DRAXIN: variants seen among roughly 807,000 people sequenced by gnomAD.
The protein encoded by DRAXIN is dorsal repulsive axon guidance protein.
DRAXIN carries 27 observed loss-of-function variants against 33.9 expected under a neutral mutation model. The ratio of observed to expected loss-of-function variants is 0.80; its 90% confidence interval spans 0.59 to 1.10. The LOEUF is 1.10. Ranked by LOEUF, DRAXIN falls within the 50% of genes least tolerant of loss-of-function variation. The pLI, the probability that DRAXIN is intolerant of heterozygous loss-of-function variation, is 0.00. For synonymous variants in DRAXIN, 178 were observed against 194.0 expected (o/e 0.92, Z 0.69); for missense variants, 371 against 460.8 (o/e 0.81, Z 1.78).
At chr1:11,702,003 G>C (rs750226834) in intron 1 of DRAXIN, among the ~76,000 whole-genome samples, 1 of 152,134 alleles carries the variant, frequency 6.6e-6, no homozygotes, top group Admixed American at 6.5e-5. Context: ...CCCTCCTCCA[G>C]CTGACACACA....
Position 11,706,137 on chromosome 1 carries a change from G to C in DRAXIN, c.-10-112G>C, listed in dbSNP as rs1449404507. 1.9e-6 allele frequency: 2 copies of C among 1,051,450 alleles called. No individual in the cohort carries two copies. The highest frequency in any genetic ancestry group is 3.2e-5 in the African/African-American group (2 of 62,096). 65.1% of individuals were successfully genotyped at this position (1,051,450 alleles called of 1,614,324 possible). ...TTCGGGCATTGCCAAATGTCACTGG[G>C]AGCAAAATGTCCCTCTATGGCTGTT... On this transcript the variant is annotated intron_variant, in intron 1 of 6. Transcript: ENST00000294485. This position sits in a 1 kb window ranked among gnomAD's most constrained non-coding sequence, Gnocchi z 5.5.
Position 11,722,702 on chromosome 1 carries a change from C to T in DRAXIN, c.*3006C>T, listed in dbSNP as rs905128426. On this transcript the variant is annotated 3_prime_UTR_variant, in exon 7 of 7. Transcript: ENST00000294485. ...ATCTCCACCAGCTACTCAGCTCTGC[C>T]GTAGCTCGAAGCAGCCACAGAGAGT... The T allele has an allele frequency of 4.5e-5, 7 of 154,230 alleles. No individual in the cohort carries two copies. The highest frequency in any genetic ancestry group is 8.8e-5 in the Non-Finnish European group (6 of 68,174). 9.6% of individuals were successfully genotyped at this position (154,230 alleles called of 1,614,324 possible).
In DRAXIN at chr1:11,709,269, T is replaced by A; in HGVS notation, c.452-6T>A. On this transcript the variant is annotated splice_region_variant and splice_polypyrimidine_tract_variant and intron_variant, in intron 2 of 6. Coordinates refer to ENST00000294485, the MANE Select transcript of DRAXIN (RefSeq NM_198545.4). ...TAGCCCCCGTGCTCCCCACCCTGTG[T>A]CTCAGGCCGAGCCTTGGTCCGAGGT... is the stretch of plus-strand genomic sequence containing the variant. 1 of 1,608,132 alleles carries A rather than the reference T, an allele frequency of 6.2e-7. No individual in the cohort carries two copies. The highest frequency in any genetic ancestry group is 8.5e-7 in the Non-Finnish European group (1 of 1,176,718).
At chr1:11,710,535 G>A (rs911112980) in intron 3 of DRAXIN, among the ~76,000 whole-genome samples, 2 of 151,526 alleles carry the variant, frequency 1.3e-5, no homozygotes, top group African/African-American at 4.9e-5. Flanking sequence ...AGCGGCAAAT[G>A]TGGCAAAAAC....
At chr1:11,687,314 A>T (rs893344286), upstream of DRAXIN, among the ~76,000 whole-genome samples, 2 of 152,182 alleles carry the variant, frequency 1.3e-5, no homozygotes, top group Non-Finnish European at 2.9e-5. The surrounding 1 kb of genome is among the most constrained non-coding windows in gnomAD (Gnocchi z 4.1). Context: ...ATCTCGGCTC[A>T]ATGAAATCTC....
chr1:11,706,529 C>A lies in DRAXIN; in HGVS notation c.271C>A (p.Pro91Thr). ...VTATRQASRL[P>T]EAEGLLPEQS... Reference sequence around the variant, plus strand: ...CGCCACCAGGCAGGCCTCCAGGCTGCCAGAGGCTGAGGGGCTGCTGCCTGA... The same window carrying A: ...CGCCACCAGGCAGGCCTCCAGGCTGACAGAGGCTGAGGGGCTGCTGCCTGA... The change falls in exon 2 of 7, where the codon CCA becomes ACA. Residue 91 changes from proline to threonine, a missense_variant. By Grantham distance (38) the Pro-to-Thr change is conservative (BLOSUM62 -1). Coordinates refer to ENST00000294485, the MANE Select transcript of DRAXIN (RefSeq NM_198545.4). This position sits in a 1 kb window ranked among gnomAD's most constrained non-coding sequence, Gnocchi z 5.5. 6.2e-7 allele frequency: 1 copy of A among 1,611,748 alleles called. No homozygotes were observed. Among genetic ancestry groups the A allele is most frequent in the Non-Finnish European group, 8.5e-7 (1 of 1,179,288 alleles).
chr1:11,704,375 A>G lies in DRAXIN; in HGVS notation c.-10-1874A>G, dbSNP rs1010935348. Reference sequence around the variant, plus strand: ...GTGGTCAGGCTAAATGCCAGCCCAGAGAGCAGCCCCGCTCCACTGGCCCCG... The same window carrying G: ...GTGGTCAGGCTAAATGCCAGCCCAGGGAGCAGCCCCGCTCCACTGGCCCCG... On this transcript the variant is annotated intron_variant, in intron 1 of 6. Coordinates refer to ENST00000294485, the MANE Select transcript of DRAXIN (RefSeq NM_198545.4). This position sits in a 1 kb window ranked among gnomAD's most constrained non-coding sequence, Gnocchi z 4.6. Among the ~76,000 whole-genome samples the G allele has an allele frequency of 3.3e-5, 5 of 152,046 alleles. No individual in the cohort carries two copies. Among genetic ancestry groups the G allele is most frequent in the African/African-American group, 9.7e-5 (4 of 41,392 alleles).
Position 11,719,772 on chromosome 1 carries a change from G to C in DRAXIN, c.*76G>C. On this transcript the variant is annotated 3_prime_UTR_variant, in exon 7 of 7. Transcript: ENST00000294485. Reference sequence around the variant, plus strand: ...GATTTGTTTGTAACTAGCAGTGGGAGATCAAGTTGGGGAACAGATGGCTGA... The same window carrying C: ...GATTTGTTTGTAACTAGCAGTGGGACATCAAGTTGGGGAACAGATGGCTGA... The C allele has an allele frequency of 7.7e-7, 1 of 1,295,468 alleles. No individual in the cohort carries two copies. Among genetic ancestry groups the C allele is most frequent in the Non-Finnish European group, 1.1e-6 (1 of 910,278 alleles). 80.2% of individuals were successfully genotyped at this position (1,295,468 alleles called of 1,614,324 possible). A position where few individuals can be genotyped will look rare whatever the true frequency, so the allele number is the denominator to read the frequency against.
upstream of DRAXIN, among the ~76,000 whole-genome samples, chr1:11,690,989 C>T (rs1431265359): frequency 6.6e-6 from 1 of 152,112 alleles, no homozygotes; most frequent in Non-Finnish European, 1.5e-5. This position sits in a 1 kb window ranked among gnomAD's most constrained non-coding sequence, Gnocchi z 4.2. Context: ...TCTCCCTTCC[C>T]TACCGGGAAA....
At position 11,692,341 on chromosome 1, in the gene DRAXIN, G is replaced by A. The variant is rs1641088008; in HGVS notation, c.-11+488G>A. Among the ~76,000 whole-genome samples, 3 of 152,122 alleles carry A rather than the reference G, an allele frequency of 2.0e-5. No individual in the cohort carries two copies. Among genetic ancestry groups the A allele is most frequent in the South Asian group, 2.1e-4 (1 of 4,834 alleles). On this transcript the variant is annotated intron_variant, in intron 1 of 6. Coordinates refer to ENST00000294485, the MANE Select transcript of DRAXIN (RefSeq NM_198545.4). This position sits in a 1 kb window ranked among gnomAD's most constrained non-coding sequence, Gnocchi z 5.8. The stretch of plus-strand genomic sequence containing the variant: ...CCTGAGCCCCGGGCAGAGCTGGCGG[G>A]CGTGCCCTCCAGCCCCTTTCGAGGC...
chr1:11,707,152 G>A (rs1641397299), intron 2 of DRAXIN, among the ~76,000 whole-genome samples: 3 of 152,224 alleles, frequency 2.0e-5, no homozygotes, highest in African/African-American at 7.2e-5. Context: ...AGTGAGCTGA[G>A]ATGGCGCCAC....
intron 2 of DRAXIN, among the ~76,000 whole-genome samples, chr1:11,707,569 C>T (rs1641409245): frequency 1.3e-5 from 2 of 152,200 alleles, no homozygotes; most frequent in Non-Finnish European, 1.5e-5. Context: ...CTGGCAGGGC[C>T]ATGAGCAGTC....
chr1:11,689,292 C>CAAAAAAA (rs70983584), upstream of DRAXIN, among the ~76,000 whole-genome samples: 5 of 67,964 alleles, frequency 7.4e-5, no homozygotes, highest in African/African-American at 2.6e-4. Context: ...GACTCTGTCT[C>CAAAAAAA]AAAAAAAAAA....
Position 11,712,404 on chromosome 1 carries a change from C to A in DRAXIN, c.822C>A (p.Cys274Ter), listed in dbSNP as rs61744690. Residue 274 changes from cysteine (C) to a stop codon, truncating the protein, a stop_gained, in exon 5 of 7, where the codon TGC (cysteine) becomes TGA (stop). Transcript: ENST00000294485. LOFTEE classifies it high-confidence loss of function. ...NETSPAEGEP[C>*]DHHQDCLPGT... The stretch of plus-strand genomic sequence containing the variant: ...CATCACCAGCCGAAGGGGAACCATG[C>A]GACCATCACCAAGACTGCCTGCCAG... The A allele has an allele frequency of 1.2e-6, 2 of 1,613,992 alleles. No individual in the cohort carries two copies. The highest frequency in any genetic ancestry group is 1.6e-4 in the Middle Eastern group (1 of 6,062).
chr1:11,715,315 G>A (rs1214396683), intron 6 of DRAXIN, 107 bp downstream of exon 6: 19 of 1,407,852 alleles, frequency 1.3e-5, no homozygotes, highest in South Asian at 2.4e-5. Context: ...TTTCCTGGCA[G>A]AGGGTGGATC....
intron 2 of DRAXIN, among the ~76,000 whole-genome samples, chr1:11,707,238 A>C (rs578206424): frequency 4.3e-4 from 66 of 152,332 alleles, no homozygotes; most frequent in African/African-American, 1.4e-3. Context: ...TCAACAGATC[A>C]TCCTCCTGAA....
chr1:11,715,118 G>A lies in DRAXIN; in HGVS notation c.848-1G>A. 2.5e-6 allele frequency: 4 copies of A among 1,614,252 alleles called. No individual in the cohort carries two copies. The highest frequency in any genetic ancestry group is 3.4e-6 in the Non-Finnish European group (4 of 1,180,052). On this transcript the variant is annotated splice_acceptor_variant, in intron 5 of 6. Coordinates refer to ENST00000294485, the MANE Select transcript of DRAXIN (RefSeq NM_198545.4). LOFTEE classifies it high-confidence loss of function. The stretch of plus-strand genomic sequence containing the variant: ...ACTGCGTGTGCTCTCTGTGTTGGCA[G>A]GGACTTGCTGCGACCTGCGGGAGCA...
intron 1 of DRAXIN, among the ~76,000 whole-genome samples, chr1:11,700,725 C>T (rs1555079): frequency 0.8 from 121,665 of 152,164 alleles, 49,382 homozygotes; most frequent in African/African-American, 0.95. Flanking sequence ...TGGGGGGTTG[C>T]CTGCTTCACA....
In DRAXIN at chr1:11,704,013, C is replaced by T. The variant is rs1229455278; in HGVS notation, c.-10-2236C>T. Among the ~76,000 whole-genome samples the T allele has an allele frequency of 1.3e-5, 2 of 152,144 alleles. No individual in the cohort carries two copies. Among genetic ancestry groups the T allele is most frequent in the African/African-American group, 2.4e-5 (1 of 41,420 alleles). ...CTAGGCTGCTCACCAGGCTCAGAGG[C>T]GGCTCTGAGGTTTACTGACAGCCTT... On this transcript the variant is annotated intron_variant, in intron 1 of 6. Transcript: ENST00000294485. The surrounding 1 kb of genome is among the most constrained non-coding windows in gnomAD (Gnocchi z 4.6).
Sources: gnomAD v4.1 joint callset for allele counts (sites outside exome capture counted in the v4.1 genomes callset) on GRCh38, gnomAD v4.1.1 for gene constraint, Gnocchi (gnomAD v3.1) non-coding constraint, MANE v1.5 for transcripts, NCBI Gene and HGNC (gene_info 2026-07-23, HGNC 2026-07-21) for gene names.